The following ASIC2 variants were observed in gnomAD, a reference collection of about 807,000 sequenced individuals.
ASIC2 encodes the protein acid sensing ion channel subunit 2.
In ASIC2, 25 loss-of-function variants were observed where a neutral mutation model predicts 57.3. The ratio of observed to expected loss-of-function variants is 0.44; its 90% CI spans 0.32 to 0.61. The LOEUF is 0.61. Among genes scored for constraint, ASIC2 ranks in the 20% least tolerant of loss-of-function variants. The pLI, the probability that ASIC2 is intolerant of heterozygous loss-of-function variation, is 0.06. For synonymous variants in ASIC2, 319 were observed against 307.5 expected (o/e 1.04, Z -0.39); for missense variants, 641 against 738.1 (o/e 0.87, Z 1.52).
At chr17:33,853,091 A>T (rs1913819124) in intron 1 of ASIC2, among the ~76,000 whole-genome samples, 1 of 152,120 alleles carries the variant, frequency 6.6e-6, no homozygotes. Flanking sequence ...ACATTCTGTG[A>T]CCCCAACTTA....
At chr17:33,135,619 CAGG>C (rs1378786854) in intron 1 of ASIC2, among the ~76,000 whole-genome samples, 4 of 152,130 alleles carry the variant, frequency 2.6e-5, no homozygotes, top group Non-Finnish European at 5.9e-5. Context: ...TGGAGCCAGG[CAGG>C]AGGAGACAGG....
At chr17:34,026,180 T>C (rs1257070898) in intron 1 of ASIC2, among the ~76,000 whole-genome samples, 1 of 152,190 alleles carries the variant, frequency 6.6e-6, no homozygotes. Context: ...GCAGAGACTG[T>C]GGAAAGCAGT....
intron 1 of ASIC2, among the ~76,000 whole-genome samples, chr17:33,865,759 TAAAAAAAAAAAACA>T (rs1326942462): frequency 8.2e-6 from 1 of 122,108 alleles, no homozygotes; most frequent in African/African-American, 3.1e-5. Flanking sequence ...AAAAAAAAAA[TAAAAAAAAAAAACA>T]AAAAAAAAAA....
intron 1 of ASIC2, among the ~76,000 whole-genome samples, chr17:33,817,081 G>A (rs934597485): frequency 6.6e-6 from 1 of 152,192 alleles, no homozygotes; most frequent in East Asian, 1.9e-4. Flanking sequence ...CACCTGGGGA[G>A]TTTTAGGAGC....
At chr17:33,605,039 C>G (rs530791178) in intron 1 of ASIC2, among the ~76,000 whole-genome samples, 1 of 152,128 alleles carries the variant, frequency 6.6e-6, no homozygotes, top group East Asian at 1.9e-4. Context: ...CTCTCTCTCT[C>G]AAGTTCTGAG....
At chr17:33,975,384 C>A (rs3901359) in intron 1 of ASIC2, among the ~76,000 whole-genome samples, 1 of 152,034 alleles carries the variant, frequency 6.6e-6, no homozygotes, top group Non-Finnish European at 1.5e-5. Flanking sequence ...CTCTCTCCCC[C>A]TTTCAACCCC....
chr17:33,217,511 T>C (rs1907540570), intron 1 of ASIC2, among the ~76,000 whole-genome samples: 3 of 152,204 alleles, frequency 2.0e-5, no homozygotes, highest in Non-Finnish European at 4.4e-5. Flanking sequence ...GCCTGAGTCT[T>C]TGCCTCTTGA....
intron 1 of ASIC2, among the ~76,000 whole-genome samples, chr17:34,007,138 G>T (rs1282421319): frequency 6.6e-6 from 1 of 152,196 alleles, no homozygotes; most frequent in African/African-American, 2.4e-5. Flanking sequence ...AGCCCAGAGG[G>T]GGGAAGGAAG....
intron 1 of ASIC2, among the ~76,000 whole-genome samples, chr17:33,587,370 C>A (rs1375579858): frequency 6.6e-6 from 1 of 152,194 alleles, no homozygotes; most frequent in Non-Finnish European, 1.5e-5. Flanking sequence ...TGATGTCATT[C>A]AGAACTCACA....
Position 33,388,540 on chromosome 17 carries a change from T to C in ASIC2, c.556-276473A>G, listed in dbSNP as rs547989481. Among the ~76,000 whole-genome samples, 6 of 152,306 alleles carry C rather than the reference T, an allele frequency of 3.9e-5. No homozygotes were observed. The East Asian group carries it at 1.2e-3, about 29-fold the overall frequency. ...CTCTACCCCACTTCTCATGTGTGCA[T>C]ATTCATGGATGGTCTTTTCCCCTTT... is the stretch of plus-strand genomic sequence containing the variant. On this transcript the variant is annotated intron_variant, in intron 1 of 9. Transcript: ENST00000359872.
intron 1 of ASIC2, among the ~76,000 whole-genome samples, chr17:33,229,299 G>A (rs558046099): frequency 4.6e-5 from 7 of 152,252 alleles, no homozygotes; most frequent in Admixed American, 1.3e-4. Flanking sequence ...GGGTTCATTC[G>A]TTCAATCATT....
chr17:33,251,976 C>T (rs750325976), intron 1 of ASIC2, among the ~76,000 whole-genome samples: 11 of 152,184 alleles, frequency 7.2e-5, no homozygotes, highest in South Asian at 2.1e-4. Flanking sequence ...CTCCCATGAA[C>T]CCTGTGAGGT....
chr17:33,333,066 C>T (rs1248580274), intron 1 of ASIC2, among the ~76,000 whole-genome samples: 1 of 152,186 alleles, frequency 6.6e-6, no homozygotes, highest in East Asian at 1.9e-4. Context: ...CTCCCAAAGG[C>T]CCATTGCCTC....
At chr17:33,918,241 T>G (rs2141963343) in intron 1 of ASIC2, among the ~76,000 whole-genome samples, 1 of 152,306 alleles carries the variant, frequency 6.6e-6, no homozygotes, top group South Asian at 2.1e-4. Flanking sequence ...ATTATCTTGT[T>G]AATGTAATCT....
chr17:33,465,348 A>AGTGTG (rs1304639766), intron 1 of ASIC2, among the ~76,000 whole-genome samples: 1 of 149,056 alleles, frequency 6.7e-6, no homozygotes, highest in Non-Finnish European at 1.5e-5. Flanking sequence ...AAGATCTTTG[A>AGTGTG]GTGTGGGCCT....
intron 1 of ASIC2, among the ~76,000 whole-genome samples, chr17:33,384,447 G>A (rs547032063): frequency 1.3e-5 from 2 of 152,136 alleles, no homozygotes; most frequent in Non-Finnish European, 2.9e-5. Flanking sequence ...TGTCAGGAGT[G>A]TTATGGGAGG....
Position 33,892,842 on chromosome 17 carries a change from G to A in ASIC2, c.555+263136C>T, listed in dbSNP as rs139436199. 2.5e-3 allele frequency among the ~76,000 whole-genome samples: 381 copies of A among 152,220 alleles called. 2 individuals are homozygous for A. Among genetic ancestry groups the A allele is most frequent in the African/African-American group, 8.0e-3 (331 of 41,544 alleles). On this transcript the variant is annotated intron_variant, in intron 1 of 9. Coordinates refer to the ASIC2 transcript ENST00000359872. The stretch of plus-strand genomic sequence containing the variant: ...CAGAGCCCCGAGCTGCCTGTGCTCC[G>A]CTGGTGACCTGAATAGATTAGCAGC...
At chr17:33,918,077 GGAC>G (rs1344227705) in intron 1 of ASIC2, among the ~76,000 whole-genome samples, 3 of 152,162 alleles carry the variant, frequency 2.0e-5, no homozygotes, top group Non-Finnish European at 4.4e-5. Context: ...AAGTAAGGAT[GGAC>G]GACATCCTTT....
At chr17:33,976,823 G>C (rs966410904) in intron 1 of ASIC2, 1 of 152,140 alleles carries the variant, frequency 6.6e-6, no homozygotes, top group Non-Finnish European at 1.5e-5. Context: ...CATGAGATTA[G>C]GTCGTCCTGG....
Sources: gnomAD v4.1 joint callset for allele counts (sites outside exome capture counted in the v4.1 genomes callset) on GRCh38, gnomAD v4.1.1 for gene constraint, MANE v1.5 for transcripts, NCBI Gene and HGNC (gene_info 2026-07-23, HGNC 2026-07-21) for gene names.